LRP1B: variants seen among roughly 807,000 people sequenced by gnomAD.
LRP1B encodes the protein LDL receptor related protein 1B.
LRP1B carries 217 observed loss-of-function variants against 556.6 expected under a neutral mutation model. That is an observed-to-expected ratio of 0.39 (90% CI 0.35 to 0.44). The LOEUF is 0.44. LRP1B is among the 20% of genes least tolerant of loss of function. The probability of loss-of-function intolerance (pLI) is 1.00; values close to 1 mark genes in which losing one functional copy is unlikely to be tolerated. For synonymous variants in LRP1B, 2,047 were observed against 1,865.8 expected (o/e 1.10, Z -2.50); for missense variants, 5,053 against 5,620.8 (o/e 0.90, Z 3.23).
At chr2:141,203,663 G>A (rs553093588) in intron 6 of LRP1B, among the ~76,000 whole-genome samples, 10 of 152,144 alleles carry the variant, frequency 6.6e-5, no homozygotes, top group Admixed American at 2.0e-4. Flanking sequence ...CTTGAACTCA[G>A]CTCTGGACCA....
At chr2:140,906,509 T>C (rs1346688760) in intron 22 of LRP1B, among the ~76,000 whole-genome samples, 1 of 152,090 alleles carries the variant, frequency 6.6e-6, no homozygotes, top group African/African-American at 2.4e-5. Context: ...CTAATATTTT[T>C]CAATAACTGC....
At chr2:141,217,979 A>G (rs1024295455) in intron 6 of LRP1B, among the ~76,000 whole-genome samples, 2 of 152,240 alleles carry the variant, frequency 1.3e-5, no homozygotes, top group Non-Finnish European at 2.9e-5. Flanking sequence ...ACATGAAAAA[A>G]TACTCAACAT....
intron 35 of LRP1B, among the ~76,000 whole-genome samples, chr2:140,717,686 G>A (rs1265505467): frequency 2.0e-5 from 3 of 151,990 alleles, no homozygotes; most frequent in South Asian, 2.1e-4. Context: ...TTTGTGTTGC[G>A]ACCTACATGG....
intron 41 of LRP1B, among the ~76,000 whole-genome samples, chr2:140,644,826 A>G (rs2105307181): frequency 6.6e-6 from 1 of 152,318 alleles, no homozygotes; most frequent in Middle Eastern, 3.4e-3. Flanking sequence ...CAGAGATGTT[A>G]AAGCAATCGA....
intron 2 of LRP1B, among the ~76,000 whole-genome samples, chr2:141,657,154 A>G (rs35885367): frequency 0.092 from 14,006 of 152,136 alleles, 690 homozygotes; most frequent in South Asian, 0.15. Flanking sequence ...TACATAATTA[A>G]CTGAAAGGAA....
chr2:140,410,005 T>TA (rs1573905046), intron 66 of LRP1B, among the ~76,000 whole-genome samples: 1 of 152,052 alleles, frequency 6.6e-6, no homozygotes, highest in East Asian at 1.9e-4. Flanking sequence ...GCCTTCGCCA[T>TA]AAAACCCTAA....
chr2:140,774,081 A>G (rs1462409006), intron 33 of LRP1B, among the ~76,000 whole-genome samples: 1 of 152,130 alleles, frequency 6.6e-6, no homozygotes, highest in Non-Finnish European at 1.5e-5. Context: ...TTTGAAATCC[A>G]AATAGGTAGT....
At chr2:142,078,776 T>C (rs1050806944) in intron 1 of LRP1B, among the ~76,000 whole-genome samples, 4 of 152,148 alleles carry the variant, frequency 2.6e-5, no homozygotes, top group African/African-American at 9.7e-5. Flanking sequence ...TAACACATAA[T>C]AGGAATGTAA....
At chr2:142,099,670 T>G (rs1417209523) in intron 1 of LRP1B, among the ~76,000 whole-genome samples, 1 of 151,922 alleles carries the variant, frequency 6.6e-6, no homozygotes, top group Non-Finnish European at 1.5e-5. Context: ...CAGACCAAAT[T>G]CTTCTCTTGG....
intron 43 of LRP1B, among the ~76,000 whole-genome samples, chr2:140,592,021 T>C (rs1353889985): frequency 6.6e-6 from 1 of 152,198 alleles, no homozygotes; most frequent in African/African-American, 2.4e-5. Flanking sequence ...GATGAGTCTA[T>C]GCATGTGAAA....
At chr2:142,108,653 T>C (rs1349221) in intron 1 of LRP1B, among the ~76,000 whole-genome samples, 101,777 of 152,098 alleles carry the variant, frequency 0.67, 34,239 homozygotes, top group East Asian at 0.71. Flanking sequence ...AATGATTGAA[T>C]ACTGACAAAG....
chr2:140,508,579 T>C (rs976080144), intron 52 of LRP1B, among the ~76,000 whole-genome samples: 3 of 152,170 alleles, frequency 2.0e-5, no homozygotes, highest in East Asian at 1.9e-4. Context: ...GCATGAACAA[T>C]TGCCTGTTGT....
intron 1 of LRP1B, among the ~76,000 whole-genome samples, chr2:142,121,576 A>G (rs181214917): frequency 6.6e-6 from 1 of 152,276 alleles, no homozygotes; most frequent in East Asian, 1.9e-4. Flanking sequence ...CTCGTCACTT[A>G]GTTTTACCAA....
chr2:141,566,273 C>T (rs1237948623), intron 2 of LRP1B, among the ~76,000 whole-genome samples: 2 of 151,776 alleles, frequency 1.3e-5, no homozygotes, highest in African/African-American at 2.4e-5. Flanking sequence ...AAAACAAACC[C>T]AAGCTGTCAA....
chr2:142,118,334 A>G (rs1707343958), intron 1 of LRP1B, among the ~76,000 whole-genome samples: 1 of 152,128 alleles, frequency 6.6e-6, no homozygotes, highest in Admixed American at 6.6e-5. Context: ...AAATAGCTTC[A>G]GCCTCTGAAA....
At chr2:140,977,723 C>T (rs189948911) in intron 18 of LRP1B, among the ~76,000 whole-genome samples, 1 of 152,026 alleles carries the variant, frequency 6.6e-6, no homozygotes, top group African/African-American at 2.4e-5. Context: ...GAAATGGGGC[C>T]CAGCACTCTG....
intron 1 of LRP1B, among the ~76,000 whole-genome samples, chr2:141,928,090 G>A (rs1369304179): frequency 6.6e-6 from 1 of 152,098 alleles, no homozygotes. Context: ...TCCCCAAAGT[G>A]TAGTGGGACA....
At chr2:140,467,238 A>G (rs1687583101) in intron 60 of LRP1B, among the ~76,000 whole-genome samples, 1 of 152,048 alleles carries the variant, frequency 6.6e-6, no homozygotes, top group Non-Finnish European at 1.5e-5. Context: ...CAACTATCCC[A>G]CTAAATCATG....
At chr2:141,934,734 C>T (rs1307015131) in intron 1 of LRP1B, among the ~76,000 whole-genome samples, 2 of 152,058 alleles carry the variant, frequency 1.3e-5, no homozygotes, top group South Asian at 2.1e-4. Flanking sequence ...TGTCCCCTTT[C>T]GCTCTGCACT....
Sources: allele counts gnomAD v4.1 joint callset (sites outside exome capture counted in the v4.1 genomes callset), GRCh38; gene constraint gnomAD v4.1.1; transcripts MANE v1.5; gene names NCBI Gene and HGNC (gene_info 2026-07-23, HGNC 2026-07-21).